Variants in GALNT13 observed in about 807,000 individuals in gnomAD.
GALNT13 encodes UDP-GalNAc:polypeptide N-acetylgalactosaminyltransferase 13.
A neutral mutation model predicts 64.2 loss-of-function variants in GALNT13; 28 were observed. That is an observed-to-expected ratio of 0.44 (90% confidence interval 0.32 to 0.60). GALNT13 has a LOEUF of 0.60. GALNT13 is among the 20% of genes least tolerant of loss of function. The pLI is 0.05. For missense variants in GALNT13, 577 were observed against 669.8 expected (o/e 0.86, Z 1.53); for synonymous variants, 214 against 224.6 (o/e 0.95, Z 0.42).
the GALNT13 span, among the ~76,000 whole-genome samples, chr2:153,136,270 A>G: frequency 3.3e-5 from 5 of 152,204 alleles, no homozygotes; most frequent in Non-Finnish European, 7.4e-5. Flanking sequence ...CATAAGCCTC[A>G]TTTTGAATTT....
At chr2:153,195,835 G>A in the GALNT13 span, among the ~76,000 whole-genome samples, 9 of 152,202 alleles carry the variant, frequency 5.9e-5, no homozygotes, top group African/African-American at 2.2e-4. Flanking sequence ...GAGCTTTATT[G>A]AGTGATAGAA....
At chr2:153,499,821 C>T in the GALNT13 span, among the ~76,000 whole-genome samples, 247 of 152,350 alleles carry the variant, frequency 1.6e-3, no homozygotes, top group African/African-American at 5.7e-3. Flanking sequence ...GGAGCAGGCA[C>T]TTCTGAGCCT....
At chr2:154,340,640 T>A (rs1695709105) in intron 9 of GALNT13, among the ~76,000 whole-genome samples, 2 of 152,278 alleles carry the variant, frequency 1.3e-5, no homozygotes, top group South Asian at 4.1e-4. Context: ...ACCATCATCC[T>A]AAATTTAGAT....
At chr2:153,081,004 C>T in the GALNT13 span, among the ~76,000 whole-genome samples, 1 of 151,968 alleles carries the variant, frequency 6.6e-6, no homozygotes, top group East Asian at 1.9e-4. Context: ...AATCTCTCTC[C>T]TTTAAAATTA....
chr2:153,387,594 C>G, the GALNT13 span, among the ~76,000 whole-genome samples: 1 of 152,014 alleles, frequency 6.6e-6, no homozygotes, highest in Non-Finnish European at 1.5e-5. Context: ...TTATTAGCAA[C>G]CACTGAATTT....
the GALNT13 span, among the ~76,000 whole-genome samples, chr2:153,535,320 G>C: frequency 6.6e-6 from 1 of 152,296 alleles, no homozygotes; most frequent in African/African-American, 2.4e-5. Flanking sequence ...TGCCTAAGGA[G>C]ATTCAGCATA....
At chr2:153,183,330 T>TC in the GALNT13 span, among the ~76,000 whole-genome samples, 1 of 152,114 alleles carries the variant, frequency 6.6e-6, no homozygotes, top group Non-Finnish European at 1.5e-5. Context: ...GGGTTTTTTT[T>TC]CTCATAAATT....
chr2:153,795,638 T>C, the GALNT13 span, among the ~76,000 whole-genome samples: 2 of 152,182 alleles, frequency 1.3e-5, no homozygotes, highest in Admixed American at 1.3e-4. Context: ...ATATGCTTAA[T>C]ATACTCTTGG....
chr2:153,707,055 G>A, the GALNT13 span, among the ~76,000 whole-genome samples: 8 of 152,090 alleles, frequency 5.3e-5, no homozygotes, highest in African/African-American at 1.9e-4. Flanking sequence ...TCCCCTGCAC[G>A]ATTTCTCTTT....
intron 2 of GALNT13, among the ~76,000 whole-genome samples, chr2:153,913,591 C>G (rs1689131076): frequency 6.6e-6 from 1 of 152,164 alleles, no homozygotes; most frequent in South Asian, 2.1e-4. Flanking sequence ...CTAAGTTACT[C>G]TTTCTGCCAA....
the GALNT13 span, among the ~76,000 whole-genome samples, chr2:153,428,828 G>C: frequency 1.3e-5 from 2 of 152,158 alleles, no homozygotes; most frequent in African/African-American, 4.8e-5. Flanking sequence ...TGAAGTTTAA[G>C]ATAGAGGGGA....
the GALNT13 span, among the ~76,000 whole-genome samples, chr2:153,695,432 C>T: frequency 1.3e-5 from 2 of 152,150 alleles, no homozygotes; most frequent in African/African-American, 4.8e-5. Flanking sequence ...GATTACCTCT[C>T]TTCTGCACAG....
intron 3 of GALNT13, among the ~76,000 whole-genome samples, chr2:154,015,570 C>T (rs1208775577): frequency 6.6e-6 from 1 of 152,102 alleles, no homozygotes; most frequent in African/African-American, 2.4e-5. Context: ...GACAACTTTT[C>T]CCATTTTATT....
the GALNT13 span, among the ~76,000 whole-genome samples, chr2:153,089,603 A>C: frequency 6.6e-6 from 1 of 151,996 alleles, no homozygotes; most frequent in African/African-American, 2.4e-5. Flanking sequence ...TTCCTCAGGA[A>C]CACCAATTAT....
At chr2:153,174,397 A>T in the GALNT13 span, among the ~76,000 whole-genome samples, 1 of 151,868 alleles carries the variant, frequency 6.6e-6, no homozygotes, top group Non-Finnish European at 1.5e-5. Context: ...TCCACAAATC[A>T]CATGCCTAAT....
chr2:154,360,564 TG>T lies in GALNT13; in HGVS notation c.1157-35426del, dbSNP rs552969988. On this transcript the variant is annotated intron_variant, in intron 9 of 12. Coordinates refer to ENST00000392825, the MANE Select transcript of GALNT13 (RefSeq NM_052917.4). Reference sequence around the variant, plus strand: ...ACATTCCCAAATAAGAGTATATTTTTGTTTTGCTACTGGAATTATTCCTCAG... The same window carrying T: ...ACATTCCCAAATAAGAGTATATTTTTTTTTGCTACTGGAATTATTCCTCAG... Among the ~76,000 whole-genome samples, 316 of 152,328 alleles carry T rather than the reference TG, an allele frequency of 2.1e-3. 1 individual carries two copies. In the Middle Eastern group the frequency reaches 0.027, roughly 13 times the overall value.
At chr2:153,721,310 A>G in the GALNT13 span, among the ~76,000 whole-genome samples, 3 of 145,646 alleles carry the variant, frequency 2.1e-5, no homozygotes, top group Non-Finnish European at 3.0e-5. Flanking sequence ...TCCTGAAGGA[A>G]GCGCTAAACA....
At chr2:153,286,403 A>G in the GALNT13 span, among the ~76,000 whole-genome samples, 21 of 152,182 alleles carry the variant, frequency 1.4e-4, no homozygotes, top group Non-Finnish European at 2.5e-4. Flanking sequence ...CACAGCTATT[A>G]ATAACACAGA....
intron 9 of GALNT13, among the ~76,000 whole-genome samples, chr2:154,318,842 T>C (rs1223258053): frequency 6.6e-6 from 1 of 152,108 alleles, no homozygotes; most frequent in Non-Finnish European, 1.5e-5. Context: ...TGTACATGCC[T>C]CTACATTTTG....
Sources: allele counts gnomAD v4.1 joint callset (sites outside exome capture counted in the v4.1 genomes callset), GRCh38; gene constraint gnomAD v4.1.1; transcripts MANE v1.5; gene names NCBI Gene and HGNC (gene_info 2026-07-23, HGNC 2026-07-21).